The following RBMS1 variants were observed in gnomAD, a reference collection of about 807,000 sequenced individuals.
RBMS1 encodes the protein RNA-binding motif, single-stranded-interacting protein 1.
RBMS1 carries 17 observed loss-of-function variants against 62.3 expected under a neutral mutation model. The observed-to-expected ratio is 0.27, with a 90% CI of 0.19 to 0.41. The LOEUF is 0.41. RBMS1 is among the 10% of genes least tolerant of loss of function. RBMS1 has a pLI of 1.00. For synonymous variants in RBMS1, 172 were observed against 170.0 expected, an observed-to-expected ratio of 1.01 and a Z score of -0.09; for missense variants, 334 against 504.5, an observed-to-expected ratio of 0.66 and a Z score of 3.24.
chr2:160,346,148 G>C (rs557996425), intron 2 of RBMS1, among the ~76,000 whole-genome samples: 99 of 152,052 alleles, frequency 6.5e-4, no homozygotes, highest in Non-Finnish European at 1.2e-3. Flanking sequence ...TTTAGCTAGA[G>C]CTTTGGCTCT....
rs1171891704 is a variant in RBMS1, at chr2:160,439,917, T to C, written c.75+53372A>G. On this transcript the variant is annotated intron_variant, in intron 1 of 13. Transcript: ENST00000348849. ...AAAAAATACGAAAACCAGTCAGGCG[T>C]GGCGGCGCGCGCCTGCAATCGCAGG... Among the ~76,000 whole-genome samples the C allele has an allele frequency of 5.9e-5, 9 of 151,838 alleles. 1 individual carries two copies. The highest frequency in any genetic ancestry group is 1.9e-4 in the African/African-American group (8 of 41,338).
intron 1 of RBMS1, among the ~76,000 whole-genome samples, chr2:160,485,445 A>G (rs1685562109): frequency 6.6e-6 from 1 of 152,212 alleles, no homozygotes; most frequent in Admixed American, 6.5e-5. Context: ...ATTTGGTTCA[A>G]TGGCAGTGTT....
At chr2:160,323,290 A>G (rs537297261) in intron 2 of RBMS1, among the ~76,000 whole-genome samples, 1 of 152,022 alleles carries the variant, frequency 6.6e-6, no homozygotes, top group East Asian at 1.9e-4. Context: ...AGCCTGGGCA[A>G]TGTGGCAAAA....
intron 3 of RBMS1, 21 bp from the exon 4 acceptor site, chr2:160,313,268 T>G: frequency 1.2e-6 from 2 of 1,608,304 alleles, no homozygotes; most frequent in Non-Finnish European, 1.7e-6. Flanking sequence ...AAAACACACT[T>G]AGTATTTAAG....
At chr2:160,342,330 A>C (rs1393056240) in intron 2 of RBMS1, among the ~76,000 whole-genome samples, 1 of 152,158 alleles carries the variant, frequency 6.6e-6, no homozygotes, top group Non-Finnish European at 1.5e-5. Context: ...TAATAGTGCC[A>C]GTGGACTATT....
chr2:160,302,395 A>G (rs1227879040), intron 5 of RBMS1: 1 of 151,470 alleles, frequency 6.6e-6, no homozygotes, highest in Non-Finnish European at 1.5e-5. Flanking sequence ...GGGTCTCACT[A>G]TGTTGCCCAG....
intron 1 of RBMS1, among the ~76,000 whole-genome samples, chr2:160,412,700 AATAT>A (rs1696080790): frequency 6.6e-6 from 1 of 152,248 alleles, no homozygotes; most frequent in Non-Finnish European, 1.5e-5. Flanking sequence ...GGGAGAGATC[AATAT>A]TGGATATAAC....
intron 1 of RBMS1, among the ~76,000 whole-genome samples, chr2:160,482,281 TCA>T (rs1180614513): frequency 6.6e-6 from 1 of 152,194 alleles, no homozygotes; most frequent in African/African-American, 2.4e-5. Context: ...AAGATAGAAG[TCA>T]CACTAGTAGT....
intron 1 of RBMS1, among the ~76,000 whole-genome samples, chr2:160,459,820 CTTCT>C (rs1444383170): frequency 6.6e-6 from 1 of 152,182 alleles, no homozygotes; most frequent in Non-Finnish European, 1.5e-5. Context: ...ATGCACCTAT[CTTCT>C]TTCTAAGAGA....
chr2:160,430,950 C>A (rs924792877), intron 1 of RBMS1, among the ~76,000 whole-genome samples: 1 of 151,562 alleles, frequency 6.6e-6, no homozygotes, highest in African/African-American at 2.4e-5. Flanking sequence ...GGTTCCCCAT[C>A]CCCCTTTCCC....
intron 1 of RBMS1, among the ~76,000 whole-genome samples, chr2:160,439,913 G>T (rs1683330032): frequency 6.6e-6 from 1 of 152,050 alleles, no homozygotes; most frequent in Non-Finnish European, 1.5e-5. Flanking sequence ...AAACCAGTCA[G>T]GCGTGGCGGC....
At chr2:160,369,092 A>G (rs982471372) in intron 1 of RBMS1, among the ~76,000 whole-genome samples, 5 of 152,218 alleles carry the variant, frequency 3.3e-5, no homozygotes, top group African/African-American at 1.2e-4. Context: ...CAAAGGGTCA[A>G]TAATAGTCAA....
intron 6 of RBMS1, among the ~76,000 whole-genome samples, chr2:160,295,996 C>CT (rs978818632): frequency 2.6e-5 from 4 of 152,190 alleles, no homozygotes; most frequent in Non-Finnish European, 5.9e-5. Context: ...GGAATAGTCC[C>CT]TTCAAAGGGA....
chr2:160,329,031 G>C (rs1691106720), intron 2 of RBMS1, among the ~76,000 whole-genome samples: 1 of 152,126 alleles, frequency 6.6e-6, no homozygotes, highest in Non-Finnish European at 1.5e-5. Context: ...TCTGATACAA[G>C]CTAAAAAGGC....
intron 1 of RBMS1, among the ~76,000 whole-genome samples, chr2:160,391,129 C>T (rs1402360648): frequency 6.6e-6 from 1 of 150,376 alleles, no homozygotes. Context: ...ACCCCCGGTA[C>T]CTTGGAATGT....
chr2:160,272,619 A>T lies in RBMS1; in HGVS notation c.*2153T>A, dbSNP rs1687637915. On this transcript the variant is annotated 3_prime_UTR_variant, in exon 14 of 14. Coordinates refer to ENST00000348849, the MANE Select transcript of RBMS1 (RefSeq NM_016836.4). ...AATTTCTGTCTTAACTAATGCAAAA[A>T]TATCAAGTAGTGAGAGACCCAGGTT... 1 of 152,188 alleles carries T rather than the reference A, an allele frequency of 6.6e-6. No individual in the cohort carries two copies. Among genetic ancestry groups the T allele is most frequent in the Non-Finnish European group, 1.5e-5 (1 of 68,038 alleles). 9.4% of individuals were successfully genotyped at this position (152,188 alleles called of 1,614,324 possible). A position where few individuals can be genotyped will look rare whatever the true frequency, so the allele number is the denominator to read the frequency against.
At chr2:160,313,681 T>G (rs56857620) in intron 3 of RBMS1, among the ~76,000 whole-genome samples, 1 of 152,184 alleles carries the variant, frequency 6.6e-6, no homozygotes, top group East Asian at 1.9e-4. Context: ...ACAAAAATTA[T>G]GTTTATTTTG....
At position 160,463,550 on chromosome 2, in the gene RBMS1, C is replaced by T. The variant is rs575914082; in HGVS notation, c.75+29739G>A. 2.6e-5 allele frequency among the ~76,000 whole-genome samples: 4 copies of T among 152,224 alleles called. No individual in the cohort carries two copies. In the East Asian group the frequency reaches 5.8e-4, roughly 22 times the overall value. The stretch of plus-strand genomic sequence containing the variant: ...TATAATCCCAGCACTTTGGGAGTTG[C>T]GAGGCAGGTGGATCATCTGAGGTCA... On this transcript the variant is annotated intron_variant, in intron 1 of 13. Coordinates refer to ENST00000348849, the MANE Select transcript of RBMS1 (RefSeq NM_016836.4).
chr2:160,377,712 G>A (rs1694075410), intron 1 of RBMS1, among the ~76,000 whole-genome samples: 1 of 152,236 alleles, frequency 6.6e-6, no homozygotes. Flanking sequence ...GGAGATGGCA[G>A]GAGGGGAAGC....
Sources: allele counts gnomAD v4.1 joint callset (sites outside exome capture counted in the v4.1 genomes callset), GRCh38; gene constraint gnomAD v4.1.1; transcripts MANE v1.5; gene names NCBI Gene and HGNC (gene_info 2026-07-23, HGNC 2026-07-21).